HEPHL1: variants seen among roughly 807,000 people sequenced by gnomAD.
The protein encoded by HEPHL1 is ferroxidase HEPHL1.
A neutral mutation model predicts 122.0 loss-of-function variants in HEPHL1; 123 were observed. The ratio of observed to expected loss-of-function variants is 1.01; its 90% CI spans 0.87 to 1.17. HEPHL1 has a LOEUF of 1.17. Among genes scored for constraint, HEPHL1 ranks in the 50% most tolerant of loss-of-function variants. The pLI is 0.00. For missense variants in HEPHL1, 1,452 were observed against 1,430.5 expected (o/e 1.01, Z -0.24); for synonymous variants, 527 against 508.9 (o/e 1.04, Z -0.48).
chr11:94,026,529 A>G (rs1476460795), intron 1 of HEPHL1, among the ~76,000 whole-genome samples: 1 of 151,986 alleles, frequency 6.6e-6, no homozygotes, highest in Non-Finnish European at 1.5e-5. Context: ...TGCTTTTCCC[A>G]CCTCCATATG....
chr11:94,104,820 C>A, intron 16 of HEPHL1, 70 bp downstream of exon 16: 1 of 1,162,598 alleles, frequency 8.6e-7, no homozygotes, highest in Non-Finnish European at 1.2e-6. Flanking sequence ...ATGTAGGAGG[C>A]TCCCAGCATC....
At chr11:94,101,374 A>T in intron 14 of HEPHL1, 39 bp downstream of exon 14, 1 of 1,587,258 alleles carries the variant, frequency 6.3e-7, no homozygotes, top group Non-Finnish European at 8.6e-7. Context: ...TTGAAGAAGA[A>T]CATTGGCGTC....
rs1392205077 is a variant in HEPHL1 at position 94,084,377 on chromosome 11, T to TAA, written c.1868-1599_1868-1598insAA. On this transcript the variant is annotated intron_variant, in intron 10 of 19. Coordinates refer to ENST00000315765, the MANE Select transcript of HEPHL1 (RefSeq NM_001098672.2). ...ATAAATAAATAAATAAATAAATAAA[T>TAA]ATATAAATACAGGATATATCATTGT... 1.1e-3 allele frequency among the ~76,000 whole-genome samples: 156 copies of TAA among 148,248 alleles called. 1 individual carries two copies. Among genetic ancestry groups the TAA allele is most frequent in the African/African-American group, 3.1e-3 (120 of 38,944 alleles).
rs1298386807 is a variant in HEPHL1, at chr11:94,021,456, T to G, written c.88T>G (p.Tyr30Asp). 6.2e-7 allele frequency: 1 copy of G among 1,613,090 alleles called. No individual in the cohort carries two copies. Among genetic ancestry groups the G allele is most frequent in the Non-Finnish European group, 8.5e-7 (1 of 1,179,200 alleles). Residue 30 changes from tyrosine to aspartate, a missense_variant, in exon 1 of 20, where the codon TAC (tyrosine) becomes GAC (aspartate). Physicochemically the swap from Tyr to Asp is radical, Grantham distance 160 (BLOSUM62 -3). Coordinates refer to ENST00000315765, the MANE Select transcript of HEPHL1 (RefSeq NM_001098672.2). The stretch of plus-strand genomic sequence containing the variant: ...GGTTGGCACAGTTACCAGAACGTAC[T>G]ACATTGGGATTGTGGAAGAATACTG... ...GLVGTVTRTY[Y>D]IGIVEEYWNY...
chr11:94,063,496 AT>A lies in HEPHL1; in HGVS notation c.416-6del. On this transcript the variant is annotated splice_polypyrimidine_tract_variant and intron_variant, in intron 2 of 19. Transcript: ENST00000315765. ...ATGTTTTACCTTTTTTTTTAATTTT[AT>A]TTTTTGGAAGGAGCCCTATACCCAG... 1 of 1,555,358 alleles carries A rather than the reference AT, an allele frequency of 6.4e-7. No homozygotes were observed. The highest frequency in any genetic ancestry group is 1.7e-4 in the Middle Eastern group (1 of 5,924).
intron 13 of HEPHL1, among the ~76,000 whole-genome samples, chr11:94,099,589 C>T (rs188767532): frequency 1.6e-4 from 25 of 152,302 alleles, no homozygotes; most frequent in African/African-American, 2.9e-4. Context: ...GCCTTTTGTT[C>T]GGCTATGCCT....
At position 94,111,604 on chromosome 11, in the gene HEPHL1, C is replaced by T. The variant is rs560509955; in HGVS notation, c.3276C>T (p.Asn1092=). ...CTCACCCAGCCACGGTGCCATCTAA[C>T]GGTAATGATACCCTCTCCCCATGTA... is the stretch of plus-strand genomic sequence containing the variant. The part of the protein sequence containing the change: ...VASHPATVPS[N]ERPGKEQLYF... Residue 1092 remains asparagine (N), a splice_region_variant and synonymous_variant, in exon 19 of 20, where the codon AAC becomes AAT. Coordinates refer to ENST00000315765, the MANE Select transcript of HEPHL1 (RefSeq NM_001098672.2). 5.9e-5 allele frequency: 95 copies of T among 1,606,256 alleles called. No homozygotes were observed. Among genetic ancestry groups the T allele is most frequent in the Non-Finnish European group, 7.4e-5 (87 of 1,175,866 alleles).
chr11:94,102,417 C>T lies in HEPHL1; in HGVS notation c.2576-497C>T, dbSNP rs576439262. On this transcript the variant is annotated intron_variant, in intron 14 of 19. Transcript: ENST00000315765. ...TCTGATTCTGGTTCTCACCAGATCT[C>T]ACCTGCCCACTTGAGAAGCTTTTAA... Among the ~76,000 whole-genome samples the T allele has an allele frequency of 3.9e-5, 6 of 152,240 alleles. No individual in the cohort carries two copies. In the East Asian group the frequency reaches 1.2e-3, roughly 29 times the overall value.
intron 2 of HEPHL1, among the ~76,000 whole-genome samples, chr11:94,057,728 G>T (rs1264318457): frequency 6.6e-6 from 1 of 152,042 alleles, no homozygotes; most frequent in Admixed American, 6.6e-5. Flanking sequence ...TATTATAGCT[G>T]CTTTGAAGTC....
chr11:94,088,029 T>C (rs1355564390), intron 11 of HEPHL1, among the ~76,000 whole-genome samples: 1 of 152,208 alleles, frequency 6.6e-6, no homozygotes, highest in Non-Finnish European at 1.5e-5. Context: ...CTTCAATAAT[T>C]TTATCTGTCT....
intron 1 of HEPHL1, among the ~76,000 whole-genome samples, chr11:94,038,766 A>AT (rs2134410256): frequency 6.9e-6 from 1 of 145,850 alleles, no homozygotes; most frequent in South Asian, 2.3e-4. Flanking sequence ...CTGCAAAATC[A>AT]TGCCAAAATG....
At position 94,111,001 on chromosome 11, in the gene HEPHL1, C is replaced by T. The variant is rs374959141; in HGVS notation, c.3144C>T (p.His1048=). Residue 1048 remains histidine, a synonymous_variant, in exon 18 of 20, where the codon CAC becomes CAT. Transcript: ENST00000315765. ...ATCACCCAGGGACATGGCTGCTACA[C>T]TGTCATGTGTCTGACCACATCCATG... ...FADHPGTWLL[H]CHVSDHIHAG... 2.4e-5 allele frequency: 39 copies of T among 1,610,820 alleles called. No homozygotes were observed. In the South Asian group the frequency reaches 2.7e-4, roughly 11 times the overall value.
chr11:94,056,168 T>C (rs1333417293), intron 2 of HEPHL1, among the ~76,000 whole-genome samples: 2 of 152,208 alleles, frequency 1.3e-5, no homozygotes, highest in Admixed American at 1.3e-4. Context: ...TCTTAAAATC[T>C]ATTTTGTCTG....
chr11:94,060,024 GC>G (rs1034663853), intron 2 of HEPHL1, among the ~76,000 whole-genome samples: 2 of 148,184 alleles, frequency 1.3e-5, no homozygotes. Context: ...AATCTTCCAA[GC>G]CATGCATTTT....
At chr11:94,029,986 AGCATGTGTGCTCCACATGCATCT>A (rs1172866969) in intron 1 of HEPHL1, among the ~76,000 whole-genome samples, 3 of 152,194 alleles carry the variant, frequency 2.0e-5, no homozygotes, top group Non-Finnish European at 2.9e-5. Context: ...TGAAGATGTG[AGCATGTGTGCTCCACATGCATCT>A]GCATGTGTGT....
chr11:94,031,857 A>T (rs1945678774), intron 1 of HEPHL1, among the ~76,000 whole-genome samples: 1 of 152,212 alleles, frequency 6.6e-6, no homozygotes, highest in Non-Finnish European at 1.5e-5. Context: ...AATAGCACGG[A>T]TCTCCTTCAT....
At chr11:94,063,752 G>A (rs896145752) in intron 3 of HEPHL1, 32 bp downstream of exon 3, 3 of 1,564,644 alleles carry the variant, frequency 1.9e-6, no homozygotes, top group African/African-American at 2.7e-5. Flanking sequence ...TAACTAGGGA[G>A]TTGAAATGTG....
At chr11:94,034,373 C>T (rs1945702692) in intron 1 of HEPHL1, among the ~76,000 whole-genome samples, 1 of 152,208 alleles carries the variant, frequency 6.6e-6, no homozygotes, top group Admixed American at 6.5e-5. Flanking sequence ...ATTATTAAGA[C>T]TGCTTAGGAG....
At position 94,101,186 on chromosome 11, in the gene HEPHL1, T is replaced by C. The variant is rs1306226895; in HGVS notation, c.2435-9T>C. Reference sequence around the variant, plus strand: ...TAATAATGCACACAGGCCTGTGTTTTGCCTTTAGGCCCAATGATTCATGCT... The same window carrying C: ...TAATAATGCACACAGGCCTGTGTTTCGCCTTTAGGCCCAATGATTCATGCT... On this transcript the variant is annotated splice_polypyrimidine_tract_variant and intron_variant, in intron 13 of 19. Transcript: ENST00000315765. The C allele has an allele frequency of 1.9e-6, 3 of 1,613,564 alleles. No individual in the cohort carries two copies. The highest frequency in any genetic ancestry group is 2.7e-5 in the African/African-American group (2 of 74,940).
Sources: allele counts gnomAD v4.1 joint callset (sites outside exome capture counted in the v4.1 genomes callset), GRCh38; gene constraint gnomAD v4.1.1; transcripts MANE v1.5; gene names NCBI Gene and HGNC (gene_info 2026-07-23, HGNC 2026-07-21).